C20orf203: variants seen among roughly 807,000 people sequenced by gnomAD.
C20orf203 encodes the protein chromosome 20 open reading frame 203, also known as uncharacterized protein C20orf203.
C20orf203 carries 16 observed loss-of-function variants against 15.9 expected under a neutral mutation model. The ratio of observed to expected loss-of-function variants is 1.01; its 90% CI spans 0.68 to 1.53. The LOEUF is 1.53. C20orf203 is among the 40% of genes most tolerant of loss of function. The pLI, the probability that C20orf203 is intolerant of heterozygous loss-of-function variation, is 0.00. For missense variants in C20orf203, 263 were observed against 247.5 expected (o/e 1.06, Z -0.42); for synonymous variants, 98 against 97.2 (o/e 1.01, Z -0.05).
At chr20:32,638,197 C>T (rs1053033028) in intron 5 of C20orf203, among the ~76,000 whole-genome samples, 1 of 152,188 alleles carries the variant, frequency 6.6e-6, no homozygotes, top group East Asian at 1.9e-4. Context: ...TAAAAGAAAG[C>T]CTGGACTGTA....
chr20:32,665,892 T>C (rs1391249149), intron 1 of C20orf203, among the ~76,000 whole-genome samples: 1 of 151,996 alleles, frequency 6.6e-6, no homozygotes, highest in East Asian at 1.9e-4. Flanking sequence ...GCCCAGATCA[T>C]GCCACTGCAC....
chr20:32,648,924 G>A (rs1478179960), intron 4 of C20orf203, among the ~76,000 whole-genome samples: 1 of 152,112 alleles, frequency 6.6e-6, no homozygotes, highest in Non-Finnish European at 1.5e-5. Context: ...TTACACTGAT[G>A]AGCCGCAGGC....
Position 32,649,670 on chromosome 20 carries a change from G to T in C20orf203, c.*762C>A. 6.6e-6 allele frequency: 1 copy of T among 152,554 alleles called. No homozygotes were observed. 9.5% of individuals were successfully genotyped at this position (152,554 alleles called of 1,614,324 possible). A position where few individuals can be genotyped will look rare whatever the true frequency, so the allele number is the denominator to read the frequency against. The stretch of plus-strand genomic sequence containing the variant: ...CACAGCCCAGCAGGAGCACAGGCTT[G>T]GGATGGAGCCTGAGCCTCTGCTTCT... On this transcript the variant is annotated 3_prime_UTR_variant, in exon 4 of 6. Transcript: ENST00000608990.
chr20:32,672,627 C>A (rs980651388), intron 1 of C20orf203, among the ~76,000 whole-genome samples: 1 of 151,652 alleles, frequency 6.6e-6, no homozygotes, highest in South Asian at 2.1e-4. Context: ...GTGGGAAAAA[C>A]CAAGAACCAC....
intron 1 of C20orf203, among the ~76,000 whole-genome samples, chr20:32,669,825 A>G (rs1983119609): frequency 6.6e-6 from 1 of 152,256 alleles, no homozygotes; most frequent in Non-Finnish European, 1.5e-5. Context: ...CAACCTAAAA[A>G]GCTTCTGCCC....
At position 32,651,854 on chromosome 20, in the gene C20orf203, A is replaced by T. The variant is rs1982637927; in HGVS notation, c.-136T>A. Reference sequence around the variant, plus strand: ...GCAGCCTTGGATCCCTTGAGTGAGGAGAGGATGGGACCTGGATTCCTATGT... The same window carrying T: ...GCAGCCTTGGATCCCTTGAGTGAGGTGAGGATGGGACCTGGATTCCTATGT... On this transcript the variant is annotated 5_prime_UTR_variant, in exon 2 of 6. Transcript: ENST00000608990. The T allele has an allele frequency of 6.6e-6, 1 of 152,350 alleles. No homozygotes were observed. Among genetic ancestry groups the T allele is most frequent in the Non-Finnish European group, 1.5e-5 (1 of 68,160 alleles). 9.4% of individuals were successfully genotyped at this position (152,350 alleles called of 1,614,324 possible).
At chr20:32,670,025 A>ACCTCGT (rs1450094535) in intron 1 of C20orf203, among the ~76,000 whole-genome samples, 1 of 151,934 alleles carries the variant, frequency 6.6e-6, no homozygotes, top group Non-Finnish European at 1.5e-5. Flanking sequence ...ATGTGCTGAA[A>ACCTCGT]CCTCGTCTCT....
chr20:32,650,685 C>G lies in C20orf203; in HGVS notation c.332G>C (p.Arg111Thr), dbSNP rs531482675. 1 of 1,549,238 alleles carries G rather than the reference C, an allele frequency of 6.5e-7. No individual in the cohort carries two copies. The highest frequency in any genetic ancestry group is 8.7e-7 in the Non-Finnish European group (1 of 1,146,360). ...GEGWGEVGGLRLSKVGRRDRE... is the reference protein window; with the variant it reads ...GEGWGEVGGLTLSKVGRRDRE... Reference sequence around the variant, plus strand: ...ATCTCTCCGACCCACCTTGCTGAGCCTGAGGCCTCCAACTTCCCCCCACCC... The same window carrying G: ...ATCTCTCCGACCCACCTTGCTGAGCGTGAGGCCTCCAACTTCCCCCCACCC... Residue 111 changes from arginine to threonine, a missense_variant, in exon 4 of 6, where the codon AGG (arginine) becomes ACG (threonine). Coordinates refer to ENST00000608990, the MANE Select transcript of C20orf203 (RefSeq NM_182584.4).
intron 1 of C20orf203, among the ~76,000 whole-genome samples, chr20:32,663,278 A>G (rs1982938287): frequency 6.6e-6 from 1 of 152,002 alleles, no homozygotes; most frequent in African/African-American, 2.4e-5. Context: ...AATTTTAAAA[A>G]CTACTGAATT....
chr20:32,657,000 A>G (rs186959663), intron 1 of C20orf203: 1 of 152,374 alleles, frequency 6.6e-6, no homozygotes, highest in East Asian at 1.9e-4. Context: ...TTATTCAGCA[A>G]TAAAAAGGAG....
chr20:32,635,967 C>G (rs922288606), intron 5 of C20orf203, among the ~76,000 whole-genome samples: 1 of 152,194 alleles, frequency 6.6e-6, no homozygotes, highest in Non-Finnish European at 1.5e-5. Flanking sequence ...AGTGAGCCCA[C>G]GTGCTCTGAC....
At chr20:32,644,138 C>T (rs115391178) in intron 4 of C20orf203, among the ~76,000 whole-genome samples, 6,338 of 152,268 alleles carry the variant, frequency 0.042, 444 homozygotes, top group African/African-American at 0.14. Flanking sequence ...GTGGCGTCTG[C>T]GAGGAGCCTT....
chr20:32,665,795 CTCTACTTAAAAAAAAATTTTTT>C (rs1262653618), intron 1 of C20orf203, among the ~76,000 whole-genome samples: 2 of 152,028 alleles, frequency 1.3e-5, no homozygotes, highest in East Asian at 3.9e-4. Context: ...GAAATCCAGT[CTCTACTTAAAAAAAAATTTTTT>C]TTTTAATTAG....
chr20:32,670,825 AAAAATAAAAAT>A (rs1175402119), intron 1 of C20orf203, among the ~76,000 whole-genome samples: 2 of 152,034 alleles, frequency 1.3e-5, no homozygotes, highest in African/African-American at 4.8e-5. Context: ...CTCCGTCTCA[AAAAATAAAAAT>A]AAAATAAAAA....
chr20:32,667,553 C>G (rs1600942351), intron 1 of C20orf203, among the ~76,000 whole-genome samples: 1 of 152,226 alleles, frequency 6.6e-6, no homozygotes, highest in African/African-American at 2.4e-5. Flanking sequence ...AGGAAGAGAT[C>G]TGCGCAGTTG....
chr20:32,636,595 G>C (rs1299774038), intron 5 of C20orf203, among the ~76,000 whole-genome samples: 1 of 152,138 alleles, frequency 6.6e-6, no homozygotes, highest in Non-Finnish European at 1.5e-5. Context: ...ATCCCTTCCT[G>C]CCTCATCGCT....
intron 1 of C20orf203, chr20:32,658,093 T>C (rs1053148618): frequency 6.6e-6 from 1 of 152,000 alleles, no homozygotes; most frequent in African/African-American, 2.4e-5. Context: ...TCTCAGCACT[T>C]TGGGAGGCCG....
At position 32,650,515 on chromosome 20, in the gene C20orf203, G is replaced by A. The variant is rs1417499919; in HGVS notation, c.502C>T (p.Pro168Ser). 1.9e-6 allele frequency: 3 copies of A among 1,550,432 alleles called. No homozygotes were observed. Among genetic ancestry groups the A allele is most frequent in the Non-Finnish European group, 2.6e-6 (3 of 1,146,832 alleles). ...GCAGGCAACTTGCCTGGCAAGGATG[G>A]GAGGCAGAAGTCCTGGAAACATGTT... ...TSTCFQDFCL[P>S]SLPGKLPAPL... The change falls in exon 4 of 6, where the codon CCA becomes TCA. Residue 168 changes from proline (P) to serine (S), a missense_variant. Pro to Ser is a moderately conservative substitution (Grantham distance 74). Transcript: ENST00000608990.
intron 1 of C20orf203, among the ~76,000 whole-genome samples, chr20:32,668,791 T>C (rs66897337): frequency 0.13 from 19,181 of 152,052 alleles, 1,531 homozygotes; most frequent in East Asian, 0.29. Context: ...TAGTCCAGCC[T>C]GGGTGACAGA....
Sources: gnomAD v4.1 joint callset for allele counts (sites outside exome capture counted in the v4.1 genomes callset) on GRCh38, gnomAD v4.1.1 for gene constraint, MANE v1.5 for transcripts, NCBI Gene and HGNC (gene_info 2026-07-23, HGNC 2026-07-21) for gene names.